Variants in TAFA4 observed in about 807,000 individuals in gnomAD.
The protein encoded by TAFA4 is chemokine-like protein TAFA-4.
Under a neutral mutation model 21.1 loss-of-function variants are expected in TAFA4, and 20 were observed. The observed-to-expected ratio is 0.95, with a 90% CI of 0.67 to 1.38. The LOEUF (loss-of-function observed/expected upper bound fraction) is 1.38. Ranked by LOEUF, TAFA4 falls within the 40% of genes most tolerant of loss-of-function variation. The pLI is 0.00. For synonymous variants in TAFA4, 71 were observed against 67.4 expected (o/e 1.05, Z -0.26); for missense variants, 211 against 180.9 (o/e 1.17, Z -0.95).
intron 3 of TAFA4, among the ~76,000 whole-genome samples, chr3:68,865,431 G>A (rs946607721): frequency 5.9e-5 from 9 of 151,828 alleles, no homozygotes; most frequent in African/African-American, 2.2e-4. Flanking sequence ...GTTTTTCCCT[G>A]TACTGTTTTC....
intron 3 of TAFA4, among the ~76,000 whole-genome samples, chr3:68,792,622 A>G (rs1703381816): frequency 6.6e-6 from 1 of 152,232 alleles, no homozygotes; most frequent in Non-Finnish European, 1.5e-5. Flanking sequence ...TCAAAGTTTC[A>G]GAACAGATTG....
intron 3 of TAFA4, among the ~76,000 whole-genome samples, chr3:68,854,911 C>T (rs185685747): frequency 6.1e-4 from 93 of 152,198 alleles, no homozygotes; most frequent in African/African-American, 2.2e-3. Context: ...AACACAAAGC[C>T]TCTATATTTC....
At chr3:68,860,232 C>G (rs140999134) in intron 3 of TAFA4, among the ~76,000 whole-genome samples, 3 of 151,968 alleles carry the variant, frequency 2.0e-5, no homozygotes, top group Non-Finnish European at 4.4e-5. Context: ...ACTGATGAGG[C>G]GAAAGCTTGT....
At chr3:68,822,821 G>A (rs1704142690) in intron 3 of TAFA4, among the ~76,000 whole-genome samples, 1 of 152,150 alleles carries the variant, frequency 6.6e-6, no homozygotes, top group Non-Finnish European at 1.5e-5. Flanking sequence ...TGCATTCTAA[G>A]ATGGAATTAA....
intron 3 of TAFA4, among the ~76,000 whole-genome samples, chr3:68,759,399 A>G (rs770638748): frequency 2.0e-5 from 3 of 152,226 alleles, no homozygotes; most frequent in Admixed American, 6.5e-5. Context: ...TCTTACAACC[A>G]TGTATGACAT....
At chr3:68,930,599 A>G (rs1018438794) in intron 1 of TAFA4, among the ~76,000 whole-genome samples, 2 of 152,212 alleles carry the variant, frequency 1.3e-5, no homozygotes, top group African/African-American at 4.8e-5. Context: ...TTGATTAAGA[A>G]ATGTCCGTGC....
At chr3:68,871,657 A>G (rs952150557) in intron 3 of TAFA4, among the ~76,000 whole-genome samples, 3 of 152,164 alleles carry the variant, frequency 2.0e-5, no homozygotes, top group South Asian at 4.1e-4. Context: ...CCATCCAACA[A>G]TCAATTAATA....
intron 3 of TAFA4, among the ~76,000 whole-genome samples, chr3:68,814,069 A>G (rs1264492911): frequency 2.0e-5 from 3 of 152,196 alleles, no homozygotes; most frequent in Non-Finnish European, 2.9e-5. Flanking sequence ...CAAAAACCAC[A>G]TGATTATCTC....
chr3:68,842,268 G>A lies in TAFA4; in HGVS notation c.130+38462C>T, dbSNP rs536208895. On this transcript the variant is annotated intron_variant, in intron 3 of 5. Transcript: ENST00000295569. ...CTGGTAGGAGATGGTACCTCACTGC[G>A]GTTTTGATTTGCATTTCTCTAATGG... Among the ~76,000 whole-genome samples the A allele has an allele frequency of 1.1e-3, 172 of 152,220 alleles. No individual in the cohort carries two copies. In the South Asian group the frequency reaches 0.022, roughly 19 times the overall value.
chr3:68,752,861 A>C lies in TAFA4; in HGVS notation c.286+2T>G. 6.2e-7 allele frequency: 1 copy of C among 1,614,078 alleles called. No individual in the cohort carries two copies. The highest frequency in any genetic ancestry group is 8.5e-7 in the Non-Finnish European group (1 of 1,180,010). Reference sequence around the variant, plus strand: ...CAGAGATGCTGACCAGAGAGGTCTTACCTTCAACACAAGAAGGTTGAGCCC... The same window carrying C: ...CAGAGATGCTGACCAGAGAGGTCTTCCCTTCAACACAAGAAGGTTGAGCCC... On this transcript the variant is annotated splice_donor_variant, in intron 4 of 5. Coordinates refer to ENST00000295569, the MANE Select transcript of TAFA4 (RefSeq NM_182522.5). LOFTEE classifies it high-confidence loss of function.
chr3:68,873,773 G>C (rs1321040080), intron 3 of TAFA4, among the ~76,000 whole-genome samples: 1 of 152,146 alleles, frequency 6.6e-6, no homozygotes, highest in Admixed American at 6.5e-5. Context: ...AGACTTTCCA[G>C]AGCAAAGGAG....
chr3:68,830,498 T>G (rs1036664580), intron 3 of TAFA4, among the ~76,000 whole-genome samples: 7 of 152,198 alleles, frequency 4.6e-5, no homozygotes, highest in Admixed American at 4.6e-4. Context: ...TTGTGCAGTT[T>G]TGAGTGAGTT....
intron 3 of TAFA4, among the ~76,000 whole-genome samples, chr3:68,808,051 C>G (rs1430129314): frequency 2.0e-5 from 3 of 151,052 alleles, no homozygotes; most frequent in African/African-American, 7.3e-5. Context: ...AAATTTAGCA[C>G]AGAACAGTAA....
intron 4 of TAFA4, among the ~76,000 whole-genome samples, chr3:68,741,513 G>C (rs1266063733): frequency 6.6e-6 from 1 of 152,096 alleles, no homozygotes; most frequent in African/African-American, 2.4e-5. Flanking sequence ...AGAAGAACTT[G>C]GCCGGGTGCC....
At chr3:68,741,608 CAATGTGA>C (rs1448370830) in intron 4 of TAFA4, among the ~76,000 whole-genome samples, 1 of 151,904 alleles carries the variant, frequency 6.6e-6, no homozygotes, top group Non-Finnish European at 1.5e-5. Flanking sequence ...TCCTGGATAA[CAATGTGA>C]AACCCCATCT....
At chr3:68,817,373 C>G (rs1473816942) in intron 3 of TAFA4, among the ~76,000 whole-genome samples, 1 of 152,166 alleles carries the variant, frequency 6.6e-6, no homozygotes, top group African/African-American at 2.4e-5. Flanking sequence ...ACTTCCTCCA[C>G]AGAAGTCTCA....
chr3:68,849,107 C>A (rs1285668604), intron 3 of TAFA4, among the ~76,000 whole-genome samples: 1 of 151,984 alleles, frequency 6.6e-6, no homozygotes, highest in African/African-American at 2.4e-5. Context: ...ATATATTTTT[C>A]TTTGTCTCTT....
intron 3 of TAFA4, among the ~76,000 whole-genome samples, chr3:68,783,659 C>G (rs1305448341): frequency 1.3e-5 from 1 of 76,534 alleles, no homozygotes; most frequent in Non-Finnish European, 2.5e-5. Flanking sequence ...AGAAAAATCA[C>G]AGACACACAC....
intron 5 of TAFA4, among the ~76,000 whole-genome samples, chr3:68,736,869 T>C (rs976286602): frequency 2.6e-5 from 4 of 152,112 alleles, no homozygotes; most frequent in Non-Finnish European, 5.9e-5. Flanking sequence ...TCAAGTGACA[T>C]ATCACTAAAA....
Sources: gnomAD v4.1 joint callset for allele counts (sites outside exome capture counted in the v4.1 genomes callset) on GRCh38, gnomAD v4.1.1 for gene constraint, MANE v1.5 for transcripts, NCBI Gene and HGNC (gene_info 2026-07-23, HGNC 2026-07-21) for gene names.